ATP8B4: variants seen among roughly 807,000 people sequenced by gnomAD.
ATP8B4 encodes the protein ATPase phospholipid transporting 8B4 (putative).
In ATP8B4, 133 loss-of-function variants were observed where a neutral mutation model predicts 145.6. That is an observed-to-expected ratio of 0.91 (90% CI 0.79 to 1.05). The LOEUF (loss-of-function observed/expected upper bound fraction) is 1.05, where lower values mean the gene tolerates loss of function less well. Ranked by LOEUF, ATP8B4 falls within the 50% of genes least tolerant of loss-of-function variation. The pLI is 0.00. For missense variants in ATP8B4, 1,458 were observed against 1,425.2 expected (o/e 1.02, Z -0.37); for synonymous variants, 507 against 492.9 (o/e 1.03, Z -0.38).
chr15:50,014,003 G>A (rs538672077), intron 6 of ATP8B4, among the ~76,000 whole-genome samples: 2 of 152,244 alleles, frequency 1.3e-5, no homozygotes, highest in African/African-American at 4.8e-5. Flanking sequence ...TGACCTTAAG[G>A]AACACTTTTG....
At chr15:49,923,257 A>G (rs559308774) in intron 17 of ATP8B4, 122 bp downstream of exon 17, 2 of 729,614 alleles carry the variant, frequency 2.7e-6, no homozygotes. Flanking sequence ...CTGTGGAACC[A>G]TTCTCCAGAT....
At chr15:50,078,608 T>C (rs1209958213) in intron 2 of ATP8B4, among the ~76,000 whole-genome samples, 1 of 150,560 alleles carries the variant, frequency 6.6e-6, no homozygotes, top group Non-Finnish European at 1.5e-5. Context: ...ATCAAGTAAA[T>C]AGAAGAAAAC....
At chr15:49,967,051 A>G (rs1354195459) in intron 13 of ATP8B4, among the ~76,000 whole-genome samples, 1 of 152,214 alleles carries the variant, frequency 6.6e-6, no homozygotes, top group African/African-American at 2.4e-5. Flanking sequence ...AGGAAAACTA[A>G]CAAACAGAAG....
At chr15:50,136,047 CGAGTAGCAG>C (rs762884318) in intron 1 of ATP8B4, among the ~76,000 whole-genome samples, 1 of 152,138 alleles carries the variant, frequency 6.6e-6, no homozygotes, top group Non-Finnish European at 1.5e-5. Context: ...TAAATGCACA[CGAGTAGCAG>C]CAATTCCATT....
intron 17 of ATP8B4, among the ~76,000 whole-genome samples, chr15:49,920,678 T>C (rs1043241532): frequency 6.6e-6 from 1 of 152,210 alleles, no homozygotes; most frequent in African/African-American, 2.4e-5. Context: ...AGTGTCCTAG[T>C]TGAGAGGTGA....
At chr15:50,065,352 A>C (rs2053308151) in intron 3 of ATP8B4, among the ~76,000 whole-genome samples, 1 of 152,188 alleles carries the variant, frequency 6.6e-6, no homozygotes, top group Admixed American at 6.6e-5. Flanking sequence ...TTGATCTTTC[A>C]ACAACAAAAT....
intron 23 of ATP8B4, among the ~76,000 whole-genome samples, chr15:49,892,417 G>A (rs1394132312): frequency 6.6e-6 from 1 of 152,122 alleles, no homozygotes; most frequent in Non-Finnish European, 1.5e-5. Flanking sequence ...ATATAAAATG[G>A]GTATTTTGTC....
intron 1 of ATP8B4, among the ~76,000 whole-genome samples, chr15:50,115,361 A>T (rs1208424692): frequency 6.7e-6 from 1 of 148,918 alleles, no homozygotes; most frequent in Non-Finnish European, 1.5e-5. Context: ...TAAAAATTTT[A>T]AAAAAGGATG....
chr15:49,943,528 C>T (rs555082294), intron 14 of ATP8B4, among the ~76,000 whole-genome samples: 6 of 152,122 alleles, frequency 3.9e-5, no homozygotes, highest in African/African-American at 1.4e-4. Context: ...GTAGATTTTC[C>T]AGCAGAAACC....
At position 49,897,433 on chromosome 15, in the gene ATP8B4, T is replaced by A; in HGVS notation, c.2556A>T (p.Arg852Ser). Reference sequence around the variant, plus strand: ...GAACAAGGAGAAGCCTTTGGAGATATCTAAACTGTGCAAATGAATAGTCGC... The same window carrying A: ...GAACAAGGAGAAGCCTTTGGAGATAACTAAACTGTGCAAATGAATAGTCGC... ...LASDYSFAQF[R>S]YLQRLLLVHG... The change falls in exon 23 of 28, where the codon AGA (arginine) becomes AGT (serine). Residue 852 changes from arginine (R) to serine (S), a missense_variant. Transcript: ENST00000284509. 6.2e-7 allele frequency: 1 copy of A among 1,612,672 alleles called. No individual in the cohort carries two copies. The highest frequency in any genetic ancestry group is 1.3e-5 in the African/African-American group (1 of 74,916).
chr15:50,039,018 A>T (rs1026845476), intron 5 of ATP8B4, among the ~76,000 whole-genome samples, 189 bp from the exon 6 acceptor site: 1 of 152,178 alleles, frequency 6.6e-6, no homozygotes, highest in Admixed American at 6.5e-5. Context: ...TTCTCACTAC[A>T]TTACACTCCG....
Position 49,944,071 on chromosome 15 carries a change from C to A in ATP8B4, c.1288-9889G>T, listed in dbSNP as rs1453250542. Among the ~76,000 whole-genome samples, 3 of 151,010 alleles carry A rather than the reference C, an allele frequency of 2.0e-5. No individual in the cohort carries two copies. The East Asian group carries it at 5.8e-4, about 29-fold the overall frequency. The stretch of plus-strand genomic sequence containing the variant: ...ACAGAAAAAGTACCTATAGAACTTA[C>A]ATAAAAGAAAAACAGAAAGGAATCA... On this transcript the variant is annotated intron_variant, in intron 14 of 27. Transcript: ENST00000284509.
intron 3 of ATP8B4, among the ~76,000 whole-genome samples, chr15:50,072,213 T>C (rs1023307150): frequency 2.6e-5 from 4 of 151,448 alleles, no homozygotes; most frequent in Admixed American, 2.6e-4. Flanking sequence ...AGTTTGCCCC[T>C]GGGACTCTCA....
chr15:50,057,279 C>G (rs941762537), intron 3 of ATP8B4, among the ~76,000 whole-genome samples: 2 of 152,146 alleles, frequency 1.3e-5, no homozygotes, highest in East Asian at 3.8e-4. Flanking sequence ...CTCAGGCAGT[C>G]CTTAAAAAAT....
chr15:49,983,125 C>G (rs1172506241), intron 10 of ATP8B4, among the ~76,000 whole-genome samples: 1 of 152,176 alleles, frequency 6.6e-6, no homozygotes, highest in Non-Finnish European at 1.5e-5. Flanking sequence ...GCAATCTCAC[C>G]TAAGACCGTA....
intron 21 of ATP8B4, among the ~76,000 whole-genome samples, chr15:49,900,160 A>T (rs2037860669): frequency 6.6e-6 from 1 of 152,202 alleles, no homozygotes; most frequent in African/African-American, 2.4e-5. Flanking sequence ...CAAACTTTCA[A>T]CTGAGTTTGG....
At chr15:50,044,883 T>C (rs1264071031) in intron 4 of ATP8B4, among the ~76,000 whole-genome samples, 191 bp from the exon 5 acceptor site, 1 of 152,364 alleles carries the variant, frequency 6.6e-6, no homozygotes, top group Admixed American at 6.5e-5. Flanking sequence ...GAACTTGTTT[T>C]CAAACTACCT....
At chr15:50,082,289 G>T (rs955209461) in intron 2 of ATP8B4, among the ~76,000 whole-genome samples, 4 of 152,110 alleles carry the variant, frequency 2.6e-5, no homozygotes, top group South Asian at 2.1e-4. Flanking sequence ...TGTGTCCCCA[G>T]TTGGGGTTTC....
At chr15:50,142,697 T>G (rs570030618) in intron 1 of ATP8B4, among the ~76,000 whole-genome samples, 5 of 152,180 alleles carry the variant, frequency 3.3e-5, no homozygotes, top group African/African-American at 1.2e-4. Flanking sequence ...CAGGGAATCT[T>G]AGTAATAAAA....
Sources: gnomAD v4.1 joint callset for allele counts (sites outside exome capture counted in the v4.1 genomes callset) on GRCh38, gnomAD v4.1.1 for gene constraint, MANE v1.5 for transcripts, NCBI Gene and HGNC (gene_info 2026-07-23, HGNC 2026-07-21) for gene names.